Variants in TCEA3 observed in about 807,000 individuals in gnomAD.
TCEA3 encodes transcription elongation factor A protein 3.
Under a neutral mutation model 44.0 loss-of-function variants are expected in TCEA3, and 36 were observed. The ratio of observed to expected loss-of-function variants is 0.82; its 90% CI spans 0.63 to 1.08. The LOEUF is 1.08. Ranked by LOEUF, TCEA3 falls within the 50% of genes least tolerant of loss-of-function variation. The pLI, the probability that TCEA3 is intolerant of heterozygous loss-of-function variation, is 0.00. For missense variants in TCEA3, 392 were observed against 441.2 expected (o/e 0.89, Z 1.00); for synonymous variants, 162 against 159.7 (o/e 1.01, Z -0.11).
chr1:23,400,373 C>CTTTT lies in TCEA3; in HGVS notation c.444-2422_444-2419dup, dbSNP rs67325313. Among the ~76,000 whole-genome samples the CTTTT allele has an allele frequency of 3.0e-5, 4 of 133,498 alleles. 1 individual carries two copies. Among genetic ancestry groups the CTTTT allele is most frequent in the African/African-American group, 9.2e-5 (3 of 32,528 alleles). 87.6% of individuals were successfully genotyped at this position (133,498 alleles called of 152,430 possible). ...TACAGGCAGATGCCGCCACACCAGG[C>CTTTT]TTTTTTTTTTTTTTTGTAGAAATGG... On this transcript the variant is annotated intron_variant, in intron 5 of 10. Transcript: ENST00000450454.
chr1:23,408,251 T>C (rs149940347), intron 5 of TCEA3, among the ~76,000 whole-genome samples: 3,206 of 152,282 alleles, frequency 0.021, 46 homozygotes, highest in Middle Eastern at 0.058. Context: ...CATGAGCCAC[T>C]GTGCCCAGCC....
Position 23,388,950 on chromosome 1 carries a change from C to T in TCEA3, c.820-1531G>A, listed in dbSNP as rs966228821. The stretch of plus-strand genomic sequence containing the variant: ...TGCCTACTTTGGACTCCCGAAGTGC[C>T]GGGATTACAGGCATGAGCCACTGCG... On this transcript the variant is annotated intron_variant, in intron 8 of 10. Transcript: ENST00000450454. Among the ~76,000 whole-genome samples the T allele has an allele frequency of 1.4e-4, 22 of 152,120 alleles. No individual in the cohort carries two copies. The South Asian group carries it at 1.7e-3, about 12-fold the overall frequency.
intron 5 of TCEA3, among the ~76,000 whole-genome samples, chr1:23,399,449 A>G (rs1012695974): frequency 2.3e-4 from 35 of 151,872 alleles, no homozygotes; most frequent in Non-Finnish European, 2.4e-4. Flanking sequence ...GACCTCATTT[A>G]ACCTTAATGA....
intron 10 of TCEA3, among the ~76,000 whole-genome samples, chr1:23,382,269 C>T (rs1638689756): frequency 6.6e-6 from 1 of 152,096 alleles, no homozygotes. Context: ...TGGTCTCAAA[C>T]TCCCGACCTC....
intron 5 of TCEA3, chr1:23,403,833 C>T (rs1199013188): frequency 2.1e-6 from 1 of 466,776 alleles, no homozygotes; most frequent in East Asian, 3.5e-5. Flanking sequence ...CCTGGCAGGG[C>T]ACACCCAGCC....
chr1:23,381,459 T>C lies in TCEA3; in HGVS notation c.*7A>G. 1 of 780,920 alleles carries C rather than the reference T, an allele frequency of 1.3e-6. No individual in the cohort carries two copies. The allele number at this position is 780,920 out of a possible 1,614,324, so 48.4% of individuals were successfully genotyped here. A position where few individuals can be genotyped will look rare whatever the true frequency, so the allele number is the denominator to read the frequency against. On this transcript the variant is annotated 3_prime_UTR_variant, in exon 11 of 11. Transcript: ENST00000450454. ...CTTCCTCACCTTGTTCATGGCTGGC[T>C]GTTCCATCAGCAGAACTACAAAACC...
intron 10 of TCEA3, chr1:23,383,516 T>G: frequency 1.1e-6 from 1 of 927,974 alleles, no homozygotes; most frequent in African/African-American, 1.8e-5. Context: ...GAGAAAGGCA[T>G]TATTATTACT....
intron 1 of TCEA3, among the ~76,000 whole-genome samples, chr1:23,423,605 C>T (rs1178166021): frequency 1.3e-5 from 2 of 152,196 alleles, no homozygotes; most frequent in Non-Finnish European, 2.9e-5. Context: ...CAGCACATGG[C>T]TACGGATGGT....
intron 5 of TCEA3, among the ~76,000 whole-genome samples, chr1:23,401,503 A>T (rs1639392468): frequency 6.6e-6 from 1 of 152,098 alleles, no homozygotes; most frequent in African/African-American, 2.4e-5. Context: ...GTCAGATTGC[A>T]GCAGGAGGTT....
At chr1:23,410,451 C>A (rs2148574734) in intron 4 of TCEA3, among the ~76,000 whole-genome samples, 1 of 152,120 alleles carries the variant, frequency 6.6e-6, no homozygotes, top group East Asian at 2.0e-4. Flanking sequence ...AAAAAGGTGA[C>A]ATATTAGTCG....
intron 8 of TCEA3, among the ~76,000 whole-genome samples, chr1:23,388,757 G>A (rs542858408): frequency 1.3e-5 from 2 of 152,102 alleles, no homozygotes; most frequent in Admixed American, 6.5e-5. Flanking sequence ...GTGACTCATG[G>A]CAGCCTCAAC....
At chr1:23,405,926 C>T (rs966039656) in intron 5 of TCEA3, among the ~76,000 whole-genome samples, 1 of 152,202 alleles carries the variant, frequency 6.6e-6, no homozygotes, top group Admixed American at 6.5e-5. Flanking sequence ...CTCCGGGGCA[C>T]TTGGCATCTC....
chr1:23,413,467 T>G (rs1639795365), intron 4 of TCEA3, among the ~76,000 whole-genome samples: 1 of 144,676 alleles, frequency 6.9e-6, no homozygotes, highest in Non-Finnish European at 1.5e-5. Context: ...AGAATCTCGC[T>G]CTGTCATCCA....
At position 23,397,436 on chromosome 1, in the gene TCEA3, G is replaced by A. The variant is rs927505020; in HGVS notation, c.664+109C>T. The A allele has an allele frequency of 1.5e-5, 15 of 973,016 alleles. No homozygotes were observed. The African/African-American group carries it at 2.3e-4, about 15-fold the overall frequency. The allele number at this position is 973,016 out of a possible 1,614,324, so 60.3% of individuals were successfully genotyped here. A position where few individuals can be genotyped will look rare whatever the true frequency, so the allele number is the denominator to read the frequency against. Reference sequence around the variant, plus strand: ...CTGGTTCAGGGGCAGAGCAGGGGCTGTTCCCGGAGCCCTTCCTCTCCTTCC... The same window carrying A: ...CTGGTTCAGGGGCAGAGCAGGGGCTATTCCCGGAGCCCTTCCTCTCCTTCC... On this transcript the variant is annotated intron_variant, in intron 7 of 10. Transcript: ENST00000450454.
chr1:23,413,432 T>C (rs1025884402), intron 4 of TCEA3, among the ~76,000 whole-genome samples: 1 of 149,838 alleles, frequency 6.7e-6, no homozygotes, highest in Non-Finnish European at 1.5e-5. Context: ...CCAGCCCATA[T>C]GTATGTTCTT....
At chr1:23,421,503 GA>G (rs11340914) in intron 1 of TCEA3, among the ~76,000 whole-genome samples, 96,353 of 148,692 alleles carry the variant, frequency 0.65, 32,096 homozygotes, top group Middle Eastern at 0.78. Context: ...AGTTCTCAAG[GA>G]AAAAAAAAAA....
intron 4 of TCEA3, chr1:23,411,184 T>TA (rs1198110094): frequency 6.6e-6 from 1 of 152,362 alleles, no homozygotes; most frequent in African/African-American, 2.4e-5. Context: ...TGAGATGGAG[T>TA]CTCAATCTGT....
chr1:23,414,543 G>A (rs114896976), intron 4 of TCEA3, among the ~76,000 whole-genome samples: 1,787 of 151,814 alleles, frequency 0.012, 37 homozygotes, highest in African/African-American at 0.038. Context: ...CTGGGATTAC[G>A]GGGCACCCGC....
chr1:23,422,359 G>A lies in TCEA3; in HGVS notation c.69+2206C>T, dbSNP rs11589432. Among the ~76,000 whole-genome samples, 18 of 152,102 alleles carry A rather than the reference G, an allele frequency of 1.2e-4. No individual in the cohort carries two copies. In the Middle Eastern group the frequency reaches 0.01, roughly 86 times the overall value. On this transcript the variant is annotated intron_variant, in intron 1 of 10. Transcript: ENST00000450454. ...TACTGTGTTGTGGCCACATGTTATA[G>A]CTATGTGTGTGTATGTAGCTGTGAC... is the stretch of plus-strand genomic sequence containing the variant.
Sources: gnomAD v4.1 joint callset for allele counts (sites outside exome capture counted in the v4.1 genomes callset) on GRCh38, gnomAD v4.1.1 for gene constraint, MANE v1.5 for transcripts, NCBI Gene and HGNC (gene_info 2026-07-23, HGNC 2026-07-21) for gene names.